The following TP73 variants were observed in gnomAD, a reference collection of about 807,000 sequenced individuals.
The protein encoded by TP73 is tumor protein p73, also known as p53-like transcription factor.
TP73 carries 25 observed loss-of-function variants against 62.5 expected under a neutral mutation model. The ratio of observed to expected loss-of-function variants is 0.40; its 90% confidence interval spans 0.29 to 0.56. TP73 has a LOEUF of 0.56. Among genes scored for constraint, TP73 ranks in the 20% least tolerant of loss-of-function variants. The probability of loss-of-function intolerance (pLI) is 0.46; values close to 1 mark genes in which losing one functional copy is unlikely to be tolerated. For synonymous variants in TP73, 423 were observed against 377.5 expected (o/e 1.12, Z -1.40); for missense variants, 754 against 913.3 (o/e 0.83, Z 2.25).
At chr1:3,692,375 G>A (rs1295529807) in intron 3 of TP73, among the ~76,000 whole-genome samples, 2 of 152,298 alleles carry the variant, frequency 1.3e-5, no homozygotes, top group African/African-American at 4.8e-5. Flanking sequence ...CGGCACCATG[G>A]CCTCTCCACA....
intron 12 of TP73, 100 bp from the exon 13 acceptor site, chr1:3,731,363 G>C (rs1036083837): frequency 8.1e-7 from 1 of 1,229,506 alleles, no homozygotes; most frequent in Non-Finnish European, 1.2e-6. Context: ...CGGAGACAGC[G>C]GCAGTCTCCG....
Position 3,662,500 on chromosome 1 carries a change from A to G in TP73, c.-34+9859A>G, listed in dbSNP as rs757556599. On this transcript the variant is annotated intron_variant, in intron 1 of 13. Coordinates refer to ENST00000378295, the MANE Select transcript of TP73 (RefSeq NM_005427.4). The surrounding 1 kb of genome is among the most constrained non-coding windows in gnomAD (Gnocchi z 4.4). ...ATGAAGGTGGTTTCGTCACGCGGACATGCGTCTCTCAGGCGATCAGAGTTA... is the reference window on the plus strand; with the variant it reads ...ATGAAGGTGGTTTCGTCACGCGGACGTGCGTCTCTCAGGCGATCAGAGTTA... Among the ~76,000 whole-genome samples, 2 of 152,200 alleles carry G rather than the reference A, an allele frequency of 1.3e-5. No individual in the cohort carries two copies. The highest frequency in any genetic ancestry group is 6.5e-5 in the Admixed American group (1 of 15,286).
chr1:3,733,148 T>G lies in TP73; in HGVS notation c.*69T>G. ...AGCTGCCTCCCCTCTCCTTCCTGTGTGTCCAAAACTGCCTCAGGAGGCAGG... is the reference window on the plus strand; with the variant it reads ...AGCTGCCTCCCCTCTCCTTCCTGTGGGTCCAAAACTGCCTCAGGAGGCAGG... On this transcript the variant is annotated 3_prime_UTR_variant, in exon 14 of 14. Coordinates refer to ENST00000378295, the MANE Select transcript of TP73 (RefSeq NM_005427.4). 1 of 1,442,842 alleles carries G rather than the reference T, an allele frequency of 6.9e-7. No individual in the cohort carries two copies. The highest frequency in any genetic ancestry group is 9.2e-7 in the Non-Finnish European group (1 of 1,087,088). The allele number at this position is 1,442,842 out of a possible 1,614,324, so 89.4% of individuals were successfully genotyped here.
chr1:3,706,335 A>AGG (rs1375480386), intron 3 of TP73, among the ~76,000 whole-genome samples: 2 of 143,170 alleles, frequency 1.4e-5, no homozygotes, highest in African/African-American at 2.7e-5. Flanking sequence ...GCCTGGGGAG[A>AGG]GGGGTAATAG....
At position 3,663,355 on chromosome 1, in the gene TP73, C is replaced by T. The variant is rs535546351; in HGVS notation, c.-34+10714C>T. Among the ~76,000 whole-genome samples the T allele has an allele frequency of 1.3e-5, 2 of 152,306 alleles. No homozygotes were observed. The highest frequency in any genetic ancestry group is 2.4e-5 in the African/African-American group (1 of 41,580). ...GGAGCCTTGAGAATGGAACACCCAT[C>T]GAACCGGGGAACTCTGCATATTTTC... On this transcript the variant is annotated intron_variant, in intron 1 of 13. Coordinates refer to ENST00000378295, the MANE Select transcript of TP73 (RefSeq NM_005427.4). The surrounding 1 kb of genome is among the most constrained non-coding windows in gnomAD (Gnocchi z 4.7).
At chr1:3,717,468 C>A (rs371393193) in intron 4 of TP73, among the ~76,000 whole-genome samples, 1 of 152,224 alleles carries the variant, frequency 6.6e-6, no homozygotes, top group Non-Finnish European at 1.5e-5. Flanking sequence ...TGTCAACAGC[C>A]GAAGATAAAT....
intron 3 of TP73, chr1:3,690,660 G>A: frequency 7.1e-7 from 1 of 1,403,352 alleles, no homozygotes; most frequent in Non-Finnish European, 9.3e-7. Flanking sequence ...GTGGGCCGCG[G>A]GTTTTGTTGT....
intron 3 of TP73, among the ~76,000 whole-genome samples, chr1:3,695,397 C>G (rs901491770): frequency 6.6e-6 from 1 of 152,218 alleles, no homozygotes; most frequent in South Asian, 2.1e-4. Flanking sequence ...CTCTCCTGCG[C>G]CCTCTCTATG....
chr1:3,729,234 C>A, intron 9 of TP73, 93 bp from the exon 10 acceptor site: 1 of 1,554,294 alleles, frequency 6.4e-7, no homozygotes. Context: ...AGGACAGATG[C>A]TTTGCCAAGC....
intron 1 of TP73, among the ~76,000 whole-genome samples, chr1:3,675,468 G>A (rs929438495): frequency 1.3e-5 from 2 of 152,186 alleles, no homozygotes; most frequent in African/African-American, 4.8e-5. Flanking sequence ...GGGGTGGCCC[G>A]GGGCGGGTGG....
rs4999519 is a variant in TP73, at chr1:3,670,533, G to A, written c.-33-11800G>A. Among the ~76,000 whole-genome samples the A allele has an allele frequency of 0.035, 5,396 of 152,062 alleles. 219 individuals carry two copies. The highest frequency in any genetic ancestry group is 0.091 in the African/African-American group (3,756 of 41,458). On this transcript the variant is annotated intron_variant, in intron 1 of 13. Coordinates refer to ENST00000378295, the MANE Select transcript of TP73 (RefSeq NM_005427.4). The surrounding 1 kb of genome is among the most constrained non-coding windows in gnomAD (Gnocchi z 5.9). Reference sequence around the variant, plus strand: ...ACAAAAATTAGCTGGGCGTGGTGGCGCACACAGCTGTAATCCCAGCTACTG... The same window carrying A: ...ACAAAAATTAGCTGGGCGTGGTGGCACACACAGCTGTAATCCCAGCTACTG...
intron 1 of TP73, among the ~76,000 whole-genome samples, chr1:3,667,416 C>T (rs1645143702): frequency 6.6e-6 from 1 of 152,208 alleles, no homozygotes; most frequent in Non-Finnish European, 1.5e-5. Context: ...AGACAGTGCG[C>T]ACATCCGCAT....
chr1:3,705,290 G>C (rs546142219), intron 3 of TP73, among the ~76,000 whole-genome samples: 2 of 152,388 alleles, frequency 1.3e-5, no homozygotes, highest in African/African-American at 4.8e-5. Context: ...CAGACACACT[G>C]TTTCTTTATC....
intron 3 of TP73, among the ~76,000 whole-genome samples, chr1:3,688,501 CAG>C (rs1359224618): frequency 6.6e-6 from 1 of 152,188 alleles, no homozygotes; most frequent in Non-Finnish European, 1.5e-5. Context: ...TCCTGCGGCC[CAG>C]GGTCCTGCGG....
chr1:3,713,720 G>A (rs1640355755), intron 4 of TP73, among the ~76,000 whole-genome samples: 1 of 152,186 alleles, frequency 6.6e-6, no homozygotes, highest in Admixed American at 6.5e-5. Context: ...CAGGAAGAGG[G>A]GGACAGACAA....
chr1:3,690,572 C>T (rs1447612417), intron 3 of TP73: 2 of 1,173,376 alleles, frequency 1.7e-6, no homozygotes, highest in Non-Finnish European at 1.1e-6. Flanking sequence ...ACGCAGCCTC[C>T]TTGGTGCGGT....
chr1:3,729,589 C>A, intron 10 of TP73, 141 bp downstream of exon 10: 1 of 1,428,426 alleles, frequency 7.0e-7, no homozygotes, highest in Non-Finnish European at 9.7e-7. Context: ...CAGAGCCCAC[C>A]CCACATCTCC....
At chr1:3,730,353 G>A (rs1028246727) in intron 11 of TP73, among the ~76,000 whole-genome samples, 11 of 152,368 alleles carry the variant, frequency 7.2e-5, no homozygotes, top group South Asian at 2.1e-4. Context: ...GGAGGGGGGC[G>A]TGGTTAAGAG....
intron 4 of TP73, among the ~76,000 whole-genome samples, chr1:3,720,003 C>G (rs1640942432): frequency 6.6e-6 from 1 of 151,852 alleles, no homozygotes; most frequent in East Asian, 1.9e-4. Context: ...GCAACCTCCA[C>G]CTCCCGAGTT....
Sources: allele counts gnomAD v4.1 joint callset (sites outside exome capture counted in the v4.1 genomes callset), GRCh38; gene constraint gnomAD v4.1.1; non-coding constraint Gnocchi (gnomAD v3.1); transcripts MANE v1.5; gene names NCBI Gene and HGNC (gene_info 2026-07-23, HGNC 2026-07-21).